Variants in GRM2 observed in about 807,000 individuals in gnomAD.
GRM2 encodes the protein glutamate metabotropic receptor 2.
In GRM2, 35 loss-of-function variants were observed where a neutral mutation model predicts 60.4. The observed-to-expected ratio is 0.58, with a 90% CI of 0.44 to 0.77. The LOEUF is 0.77. GRM2 is among the 30% of genes least tolerant of loss of function. The pLI is 0.00. For missense variants in GRM2, 925 were observed against 1,199.5 expected (o/e 0.77, Z 3.38); for synonymous variants, 437 against 484.1 (o/e 0.90, Z 1.28).
chr3:51,710,727 T>TC (rs1485089444), intron 2 of GRM2, among the ~76,000 whole-genome samples: 2 of 152,206 alleles, frequency 1.3e-5, no homozygotes, highest in African/African-American at 4.8e-5. Flanking sequence ...CCTCCTACTC[T>TC]CCCACAGGGA....
At position 51,713,069 on chromosome 3, in the gene GRM2, G is replaced by A; in HGVS notation, c.1047G>A (p.Trp349Ter). 1 of 1,613,216 alleles carries A rather than the reference G, an allele frequency of 6.2e-7. No homozygotes were observed. The highest frequency in any genetic ancestry group is 8.5e-7 in the Non-Finnish European group (1 of 1,180,022). The change falls in exon 3 of 6, where the codon TGG becomes TGA. Residue 349 changes from tryptophan to a stop codon, truncating the protein, a stop_gained. Transcript: ENST00000395052. LOFTEE classifies it high-confidence loss of function. This position sits in a 1 kb window ranked among gnomAD's most constrained non-coding sequence, Gnocchi z 4.8. Reference sequence around the variant, plus strand: ...GGAACCCCTGGTTCCGTGAATTCTGGGAGCAGAGGTTCCGCTGCAGCTTCC... The same window carrying A: ...GGAACCCCTGGTTCCGTGAATTCTGAGAGCAGAGGTTCCGCTGCAGCTTCC... ...NSRNPWFREF[W>*]EQRFRCSFRQ...
intron 2 of GRM2, among the ~76,000 whole-genome samples, chr3:51,710,801 G>T (rs1703687437): frequency 6.6e-6 from 1 of 152,214 alleles, no homozygotes; most frequent in South Asian, 2.1e-4. Context: ...ACACCCCTCT[G>T]CTGCTCCCAG....
Position 51,709,243 on chromosome 3 carries a change from A to G in GRM2, c.260A>G (p.His87Arg). 6.2e-7 allele frequency: 1 copy of G among 1,604,894 alleles called. No homozygotes were observed. The highest frequency in any genetic ancestry group is 8.5e-7 in the Non-Finnish European group (1 of 1,173,586). Residue 87 changes from histidine to arginine, a missense_variant, in exon 2 of 6, where the codon CAC (histidine) becomes CGC (arginine). Physicochemically the swap from His to Arg is conservative, Grantham distance 29 (BLOSUM62 0). Coordinates refer to ENST00000395052, the MANE Select transcript of GRM2 (RefSeq NM_000839.5). Reference sequence around the variant, plus strand: ...CTGCCTGGCGTGCGCCTGGGTGCACACATCCTCGACAGTTGCTCCAAGGAC... The same window carrying G: ...CTGCCTGGCGTGCGCCTGGGTGCACGCATCCTCGACAGTTGCTCCAAGGAC... ...HLLPGVRLGA[H>R]ILDSCSKDTH...
At position 51,717,550 on chromosome 3, in the gene GRM2, C is replaced by A. The variant is rs915197619; in HGVS notation, c.2365-87C>A. 8.5e-6 allele frequency: 9 copies of A among 1,058,282 alleles called. No homozygotes were observed. The African/African-American group carries it at 9.4e-5, about 11-fold the overall frequency. The allele number at this position is 1,058,282 out of a possible 1,614,324, so 65.6% of individuals were successfully genotyped here. ...CCAGTGTTGGATGCTTAGTCTCCCC[C>A]ACTCCCTCCCCCACAGATCAGGCAG... On this transcript the variant is annotated intron_variant, in intron 4 of 5. Transcript: ENST00000395052. This position sits in a 1 kb window ranked among gnomAD's most constrained non-coding sequence, Gnocchi z 6.0.
intron 2 of GRM2, among the ~76,000 whole-genome samples, chr3:51,711,882 G>A (rs1703721496): frequency 6.6e-6 from 1 of 152,208 alleles, no homozygotes; most frequent in South Asian, 2.1e-4. Flanking sequence ...TCCCACTCCT[G>A]TGGGACCTGA....
chr3:51,714,004 A>C (rs1350828575), intron 3 of GRM2: 1 of 454,162 alleles, frequency 2.2e-6, no homozygotes, highest in Non-Finnish European at 4.4e-6. Flanking sequence ...TATTTTAATA[A>C]GAGTGCCAGC....
At position 51,717,627 on chromosome 3, in the gene GRM2, C is replaced by T. The variant is rs554289978; in HGVS notation, c.2365-10C>T. On this transcript the variant is annotated splice_polypyrimidine_tract_variant and intron_variant, in intron 4 of 5. Transcript: ENST00000395052. This position sits in a 1 kb window ranked among gnomAD's most constrained non-coding sequence, Gnocchi z 6.0. ...TGACCTGTGCTTGTTCACCCACTCA[C>T]CCACCGCAGGTACAGACCACCACCA... 2 of 1,609,452 alleles carry T rather than the reference C, an allele frequency of 1.2e-6. No homozygotes were observed. Among genetic ancestry groups the T allele is most frequent in the African/African-American group, 2.7e-5 (2 of 75,000 alleles).
intron 3 of GRM2, chr3:51,714,144 T>G: frequency 3.0e-6 from 1 of 330,356 alleles, no homozygotes; most frequent in South Asian, 2.4e-5. Flanking sequence ...GAACTGACAT[T>G]CAGAGTTAGC....
intron 2 of GRM2, among the ~76,000 whole-genome samples, chr3:51,709,705 A>C (rs1229036294): frequency 6.8e-5 from 3 of 43,866 alleles, no homozygotes; most frequent in Admixed American, 2.2e-4. Flanking sequence ...CCTCACACAC[A>C]CACACAGCCC....
rs1703942084 is a variant in GRM2 at position 51,717,430 on chromosome 3, A to G, written c.2365-207A>G. Among the ~76,000 whole-genome samples the G allele has an allele frequency of 1.3e-5, 2 of 151,700 alleles. 1 individual carries two copies. Among genetic ancestry groups the G allele is most frequent in the South Asian group, 4.2e-4 (2 of 4,802 alleles). On this transcript the variant is annotated intron_variant, in intron 4 of 5. Coordinates refer to ENST00000395052, the MANE Select transcript of GRM2 (RefSeq NM_000839.5). The surrounding 1 kb of genome is among the most constrained non-coding windows in gnomAD (Gnocchi z 6.0). The stretch of plus-strand genomic sequence containing the variant: ...CTGCATGTTCTCCCCTTCAGCTGGA[A>G]CTCTTGTCACCCTGGGAAAATGGTC...
intron 1 of GRM2, chr3:51,707,590 C>T (rs1252224654): frequency 6.5e-6 from 1 of 153,158 alleles, no homozygotes; most frequent in Non-Finnish European, 1.5e-5. Context: ...TGGCTTCAGC[C>T]CCCATCTGGG....
rs775633409 is a variant in GRM2, at chr3:51,715,557, C to T, written c.1784C>T (p.Thr595Ile). ...VLGVFVRHNA[T>I]PVVKASGREL... ...GGTGTCTTTGTGCGGCACAATGCCA[C>T]ACCAGTGGTCAAGGCCTCAGGTCGG... Residue 595 changes from threonine to isoleucine, a missense_variant, in exon 4 of 6, where the codon ACA becomes ATA. Coordinates refer to ENST00000395052, the MANE Select transcript of GRM2 (RefSeq NM_000839.5). The surrounding 1 kb of genome is among the most constrained non-coding windows in gnomAD (Gnocchi z 9.0). The T allele has an allele frequency of 1.2e-6, 2 of 1,614,072 alleles. No individual in the cohort carries two copies. The highest frequency in any genetic ancestry group is 4.5e-5 in the East Asian group (2 of 44,892).
At chr3:51,709,732 CACCCGACACA>C (rs1703635175) in intron 2 of GRM2, among the ~76,000 whole-genome samples, 1 of 94,158 alleles carries the variant, frequency 1.1e-5, no homozygotes, top group Admixed American at 1.1e-4. Context: ...CACCCACACA[CACCCGACACA>C]CCCACACACA....
chr3:51,710,660 G>A (rs904026788), intron 2 of GRM2, among the ~76,000 whole-genome samples: 1 of 151,138 alleles, frequency 6.6e-6, no homozygotes, highest in African/African-American at 2.4e-5. Flanking sequence ...AGAGTCTTCA[G>A]GGGGCACAGG....
chr3:51,712,864 C>T lies in GRM2; in HGVS notation c.842C>T (p.Ala281Val), dbSNP rs749310386. Residue 281 changes from alanine to valine, a missense_variant, in exon 3 of 6, where the codon GCC becomes GTC. By Grantham distance (64) the Ala-to-Val change is moderately conservative. Coordinates refer to ENST00000395052, the MANE Select transcript of GRM2 (RefSeq NM_000839.5). This position sits in a 1 kb window ranked among gnomAD's most constrained non-coding sequence, Gnocchi z 5.3. ...RSEDARELLAASQRLNASFTW... is the reference protein window; with the variant it reads ...RSEDARELLAVSQRLNASFTW... ...GAGGATGCCCGGGAGCTGCTTGCTGCCAGCCAGCGCCTCAATGCCAGCTTC... is the reference window on the plus strand; with the variant it reads ...GAGGATGCCCGGGAGCTGCTTGCTGTCAGCCAGCGCCTCAATGCCAGCTTC... 30 of 1,612,810 alleles carry T rather than the reference C, an allele frequency of 1.9e-5. No homozygotes were observed. Among genetic ancestry groups the T allele is most frequent in the Admixed American group, 1.5e-4 (9 of 60,012 alleles).
rs1703971924 is a variant in GRM2 at position 51,718,129 on chromosome 3, C to T, written c.*17C>T. 6.2e-7 allele frequency: 1 copy of T among 1,609,262 alleles called. No individual in the cohort carries two copies. The highest frequency in any genetic ancestry group is 1.7e-5 in the Admixed American group (1 of 60,004). Reference sequence around the variant, plus strand: ...TCGCTTTGAAGACCCCATACTCCCGCCCTGACACAGCTGCTCCTGGGAACC... The same window carrying T: ...TCGCTTTGAAGACCCCATACTCCCGTCCTGACACAGCTGCTCCTGGGAACC... On this transcript the variant is annotated 3_prime_UTR_variant, in exon 6 of 6. Coordinates refer to ENST00000395052, the MANE Select transcript of GRM2 (RefSeq NM_000839.5). This position sits in a 1 kb window ranked among gnomAD's most constrained non-coding sequence, Gnocchi z 4.2.
chr3:51,715,183 G>T lies in GRM2; in HGVS notation c.1410G>T (p.Lys470Asn). 1 of 1,614,110 alleles carries T rather than the reference G, an allele frequency of 6.2e-7. No individual in the cohort carries two copies. The highest frequency in any genetic ancestry group is 8.5e-7 in the Non-Finnish European group (1 of 1,179,964). ...GCAGTGGGCGCTATCGCTACCAGAA[G>T]GTGGGCTACTGGGCAGAAGGCTTGA... ...RAGSGRYRYQ[K>N]VGYWAEGLTL... Residue 470 changes from lysine (K) to asparagine (N), a missense_variant, in exon 4 of 6, where the codon AAG (lysine) becomes AAT (asparagine). Transcript: ENST00000395052. This position sits in a 1 kb window ranked among gnomAD's most constrained non-coding sequence, Gnocchi z 9.0.
rs143232234 is a variant in GRM2 at position 51,713,108 on chromosome 3, C to T, written c.1086C>T (p.Cys362=). 550 of 1,613,134 alleles carry T rather than the reference C, an allele frequency of 3.4e-4. 2 individuals carry two copies. The highest frequency in any genetic ancestry group is 4.5e-4 in the African/African-American group (34 of 75,064). The change falls in exon 3 of 6, where the codon TGC becomes TGT. Residue 362 remains cysteine (C), a synonymous_variant. Coordinates refer to ENST00000395052, the MANE Select transcript of GRM2 (RefSeq NM_000839.5). This position sits in a 1 kb window ranked among gnomAD's most constrained non-coding sequence, Gnocchi z 4.8. ...RFRCSFRQRD[C]AAHSLRAVPF... ...GCTGCAGCTTCCGGCAGCGAGACTG[C>T]GCAGCCCACTCTCTCCGGGCTGTGC...
At chr3:51,714,971 G>A in intron 3 of GRM2, 91 bp from the exon 4 acceptor site, 1 of 739,954 alleles carries the variant, frequency 1.4e-6, no homozygotes. Context: ...TCTTAGCTCT[G>A]GCATTTGGGT....
Sources: gnomAD v4.1 joint callset for allele counts (sites outside exome capture counted in the v4.1 genomes callset) on GRCh38, gnomAD v4.1.1 for gene constraint, Gnocchi (gnomAD v3.1) non-coding constraint, MANE v1.5 for transcripts, NCBI Gene and HGNC (gene_info 2026-07-23, HGNC 2026-07-21) for gene names.